The following CARS2 variants were observed in gnomAD, a reference collection of about 807,000 sequenced individuals.
The protein encoded by CARS2 is probable cysteine--tRNA ligase, mitochondrial.
Under a neutral mutation model 68.8 loss-of-function variants are expected in CARS2, and 52 were observed. That is an observed-to-expected ratio of 0.76 (90% CI 0.61 to 0.95). The LOEUF is 0.95. Among genes scored for constraint, CARS2 ranks in the 40% least tolerant of loss-of-function variants. The probability of loss-of-function intolerance (pLI) is 0.00; values close to 1 mark genes in which losing one functional copy is unlikely to be tolerated. For missense variants in CARS2, 780 were observed against 754.2 expected (o/e 1.03, Z -0.40); for synonymous variants, 314 against 303.6 (o/e 1.03, Z -0.36).
chr13:110,711,253 G>C (rs1313872986), upstream of CARS2, among the ~76,000 whole-genome samples: 1 of 151,756 alleles, frequency 6.6e-6, no homozygotes. Context: ...GTCTTGCTCT[G>C]TCGCCCAGGC....
chr13:110,704,121 C>T (rs1347536359), intron 2 of CARS2, among the ~76,000 whole-genome samples: 17 of 152,200 alleles, frequency 1.1e-4, no homozygotes, highest in Non-Finnish European at 2.5e-4. Context: ...TATAAGTCAT[C>T]CATTTTAGGA....
chr13:110,659,518 T>TA (rs1216325910), intron 9 of CARS2, among the ~76,000 whole-genome samples: 2 of 151,664 alleles, frequency 1.3e-5, no homozygotes, highest in African/African-American at 2.4e-5. Context: ...TTGTTTGGCC[T>TA]AGCATGGTTC....
intron 2 of CARS2, 66 bp from the exon 3 acceptor site, chr13:110,701,621 C>G (rs1174759580): frequency 2.5e-6 from 2 of 811,592 alleles, no homozygotes; most frequent in Non-Finnish European, 4.4e-6. Flanking sequence ...TGTAAAAAAT[C>G]CATTACATTT....
intron 5 of CARS2, among the ~76,000 whole-genome samples, chr13:110,683,551 T>G (rs1389837933): frequency 6.6e-6 from 1 of 152,246 alleles, no homozygotes; most frequent in Non-Finnish European, 1.5e-5. Context: ...GAGACAATTA[T>G]TTAATCAGAA....
intron 3 of CARS2, chr13:110,697,889 A>C: frequency 2.2e-6 from 1 of 449,604 alleles, no homozygotes; most frequent in Admixed American, 2.5e-5. Flanking sequence ...TGAGAAAGAC[A>C]AATCAATAGA....
chr13:110,648,413 C>T (rs1888421302), intron 10 of CARS2: 1 of 152,242 alleles, frequency 6.6e-6, no homozygotes, highest in South Asian at 2.1e-4. Context: ...AGGACAGCTG[C>T]ATTTCTCCAA....
chr13:110,669,318 G>A (rs2062737695), intron 7 of CARS2, among the ~76,000 whole-genome samples: 1 of 152,130 alleles, frequency 6.6e-6, no homozygotes. Context: ...CATGAATGGA[G>A]CAGAGTCCTC....
chr13:110,694,141 C>T (rs1419903601), intron 3 of CARS2, among the ~76,000 whole-genome samples: 2 of 151,930 alleles, frequency 1.3e-5, no homozygotes, highest in African/African-American at 4.8e-5. Flanking sequence ...GATTTTCTTG[C>T]CTCAGCTCCT....
chr13:110,665,107 A>C lies in CARS2; in HGVS notation c.920-1589T>G, dbSNP rs751035758. On this transcript the variant is annotated intron_variant, in intron 8 of 14. Transcript: ENST00000257347. The surrounding 1 kb of genome is among the most constrained non-coding windows in gnomAD (Gnocchi z 4.3). Reference sequence around the variant, plus strand: ...TTGGGGCCAAACTAGTATGAAAAAGATCGCTGGTATCTTAACAGGTAGTAA... The same window carrying C: ...TTGGGGCCAAACTAGTATGAAAAAGCTCGCTGGTATCTTAACAGGTAGTAA... 159 of 985,426 alleles carry C rather than the reference A, an allele frequency of 1.6e-4. No individual in the cohort carries two copies. Among genetic ancestry groups the C allele is most frequent in the Non-Finnish European group, 1.9e-4 (156 of 829,926 alleles). 61.0% of individuals were successfully genotyped at this position (985,426 alleles called of 1,614,324 possible).
At chr13:110,692,561 CTTT>C (rs34307243) in intron 3 of CARS2, among the ~76,000 whole-genome samples, 27 of 132,470 alleles carry the variant, frequency 2.0e-4, no homozygotes, top group Non-Finnish European at 3.3e-4. Flanking sequence ...CCTATTCTTC[CTTT>C]TTTTTTTTTT....
At chr13:110,712,677 G>A in intron 1 of CARS2, 1 of 658,334 alleles carries the variant, frequency 1.5e-6, no homozygotes, top group South Asian at 1.5e-5. Context: ...ATGGCCTCAG[G>A]ACGCCGGCCG....
upstream of CARS2, among the ~76,000 whole-genome samples, chr13:110,706,816 C>T (rs1049292767): frequency 6.7e-6 from 1 of 150,064 alleles, no homozygotes; most frequent in African/African-American, 2.5e-5. Context: ...ACAGTGTGCA[C>T]CCCAGCACAC....
At chr13:110,663,345 G>A in intron 9 of CARS2, 106 bp downstream of exon 9, 2 of 1,132,128 alleles carry the variant, frequency 1.8e-6, no homozygotes, top group Non-Finnish European at 2.5e-6. Context: ...AGGGGCCAGA[G>A]GGCACTGGGA....
At chr13:110,666,793 G>A (rs2139762767) in intron 8 of CARS2, 3 of 985,346 alleles carry the variant, frequency 3.0e-6, no homozygotes, top group South Asian at 4.7e-5. Context: ...TCCCCAAAAG[G>A]TAATAAGACT....
At chr13:110,656,671 T>C (rs574900471) in intron 9 of CARS2, among the ~76,000 whole-genome samples, 12 of 152,038 alleles carry the variant, frequency 7.9e-5, no homozygotes, top group Non-Finnish European at 1.8e-4. Context: ...GATCACAAGG[T>C]CAGGAGATCA....
At chr13:110,675,803 C>A (rs533819551) in intron 7 of CARS2, among the ~76,000 whole-genome samples, 2 of 152,194 alleles carry the variant, frequency 1.3e-5, no homozygotes, top group African/African-American at 4.8e-5. Context: ...TCTAAACGCG[C>A]GGCTGGGTAC....
chr13:110,713,297 G>T, exon 1 of CARS2: 2 of 1,236,908 alleles, frequency 1.6e-6, no homozygotes, highest in Non-Finnish European at 2.0e-6. Flanking sequence ...GGTAGTTGCT[G>T]TGTACCATGG....
At chr13:110,711,562 T>C (rs754042058) in intron 1 of CARS2, among the ~76,000 whole-genome samples, 1 of 152,246 alleles carries the variant, frequency 6.6e-6, no homozygotes, top group Non-Finnish European at 1.5e-5. Flanking sequence ...ATAAATCTTG[T>C]AGAAACTAAA....
chr13:110,667,268 T>A, intron 8 of CARS2, 72 bp downstream of exon 8: 1 of 1,363,808 alleles, frequency 7.3e-7, no homozygotes, highest in South Asian at 1.3e-5. Flanking sequence ...TTTCCAAATG[T>A]AGCTGTTCCG....
Sources: allele counts gnomAD v4.1 joint callset (sites outside exome capture counted in the v4.1 genomes callset), GRCh38; gene constraint gnomAD v4.1.1; non-coding constraint Gnocchi (gnomAD v3.1); transcripts MANE v1.5; gene names NCBI Gene and HGNC (gene_info 2026-07-23, HGNC 2026-07-21).